The following RASAL2 variants were observed in gnomAD, a reference collection of about 807,000 sequenced individuals.
RASAL2 encodes the protein ras GTPase-activating protein nGAP.
Under a neutral mutation model 128.9 loss-of-function variants are expected in RASAL2, and 58 were observed. That is an observed-to-expected ratio of 0.45 (90% CI 0.36 to 0.56). The LOEUF (loss-of-function observed/expected upper bound fraction) is 0.56, where lower values mean the gene tolerates loss of function less well. RASAL2 is among the 20% of genes least tolerant of loss of function. The probability of loss-of-function intolerance (pLI) is 0.00; values close to 1 mark genes in which losing one functional copy is unlikely to be tolerated. For missense variants in RASAL2, 1,360 were observed against 1,601.6 expected (o/e 0.85, Z 2.57); for synonymous variants, 561 against 580.8 (o/e 0.97, Z 0.49).
rs375035784 is a variant in RASAL2, at chr1:178,454,162, G to A, written c.2010-285G>A. 3.9e-4 allele frequency among the ~76,000 whole-genome samples: 57 copies of A among 146,566 alleles called. No individual in the cohort carries two copies. The East Asian group carries it at 0.011, about 27-fold the overall frequency. Reference sequence around the variant, plus strand: ...TGGTGAGCTTTTGGTAGGTAAGTGAGGGCTATATTGCAGAGAAATTTAAAT... The same window carrying A: ...TGGTGAGCTTTTGGTAGGTAAGTGAAGGCTATATTGCAGAGAAATTTAAAT... On this transcript the variant is annotated intron_variant, in intron 11 of 17. Transcript: ENST00000367649.
intron 1 of RASAL2, among the ~76,000 whole-genome samples, chr1:178,096,633 A>C (rs1047235034): frequency 6.6e-6 from 1 of 152,068 alleles, no homozygotes; most frequent in African/African-American, 2.4e-5. Flanking sequence ...ACTTCATATC[A>C]GACATCACAG....
intron 3 of RASAL2, among the ~76,000 whole-genome samples, chr1:178,376,840 T>A (rs923501493): frequency 1.3e-5 from 2 of 152,124 alleles, no homozygotes; most frequent in African/African-American, 4.8e-5. Context: ...TACCCAAAAA[T>A]TTGAGACTCG....
intron 1 of RASAL2, among the ~76,000 whole-genome samples, chr1:178,221,050 A>G (rs1253614261): frequency 6.6e-6 from 1 of 152,194 alleles, no homozygotes; most frequent in Non-Finnish European, 1.5e-5. Flanking sequence ...GCAGTGCATG[A>G]GAGTTCCTGT....
At chr1:178,245,407 C>T (rs1664726016) in intron 1 of RASAL2, among the ~76,000 whole-genome samples, 1 of 152,182 alleles carries the variant, frequency 6.6e-6, no homozygotes, top group Non-Finnish European at 1.5e-5. Context: ...ATCCTTCACC[C>T]ACTTTTTGAT....
intron 3 of RASAL2, among the ~76,000 whole-genome samples, chr1:178,325,455 G>A (rs1571861456): frequency 6.6e-6 from 1 of 152,108 alleles, no homozygotes; most frequent in South Asian, 2.1e-4. Flanking sequence ...TTTAAAGGTA[G>A]GAATTGTAGA....
At chr1:178,471,757 T>A (rs1244020702) in intron 17 of RASAL2, among the ~76,000 whole-genome samples, 1 of 152,144 alleles carries the variant, frequency 6.6e-6, no homozygotes, top group Non-Finnish European at 1.5e-5. Context: ...TACCTAGATT[T>A]TTCCCCCAGG....
intron 1 of RASAL2, among the ~76,000 whole-genome samples, chr1:178,270,205 T>A (rs1666182446): frequency 6.6e-6 from 1 of 152,192 alleles, no homozygotes; most frequent in Non-Finnish European, 1.5e-5. Flanking sequence ...TTGGTGGTCA[T>A]CTGTTTTTAT....
chr1:178,244,329 G>A (rs1290714539), intron 1 of RASAL2, among the ~76,000 whole-genome samples: 1 of 151,996 alleles, frequency 6.6e-6, no homozygotes, highest in Non-Finnish European at 1.5e-5. Flanking sequence ...TGCAACCTCT[G>A]CCTCTCGGGT....
At chr1:178,191,203 G>A (rs1190383963) in intron 1 of RASAL2, among the ~76,000 whole-genome samples, 2 of 152,120 alleles carry the variant, frequency 1.3e-5, no homozygotes, top group East Asian at 3.9e-4. Flanking sequence ...CTCAAAAGGA[G>A]CTTAAAAGTG....
intron 2 of RASAL2, among the ~76,000 whole-genome samples, chr1:178,296,161 A>ATATG (rs1553207377): frequency 1.0e-4 from 14 of 139,236 alleles, no homozygotes; most frequent in African/African-American, 4.6e-4. Flanking sequence ...GTGTATATAT[A>ATATG]TGTGTGTGTG....
In RASAL2 at chr1:178,442,874, C is replaced by G; in HGVS notation, c.1127C>G (p.Thr376Arg). ...AGCCTTCCACCTCTTCATAGTATCACAGTTCACATTTACAAGGATGTGGAA... is the reference window on the plus strand; with the variant it reads ...AGCCTTCCACCTCTTCATAGTATCAGAGTTCACATTTACAAGGATGTGGAA... The part of the protein sequence containing the change: ...FFSLPPLHSI[T>R]VHIYKDVEKK... The change falls in exon 8 of 18, where the codon ACA becomes AGA. Residue 376 changes from threonine to arginine, a missense_variant. Thr to Arg is a moderately conservative substitution (Grantham distance 71). This residue lies in a region of RASAL2 where 617 missense variants were observed against 714.2 expected (regional missense o/e 0.86). Transcript: ENST00000367649. 2 of 1,613,840 alleles carry G rather than the reference C, an allele frequency of 1.2e-6. No homozygotes were observed. Among genetic ancestry groups the G allele is most frequent in the Non-Finnish European group, 1.7e-6 (2 of 1,179,916 alleles).
In RASAL2 at chr1:178,441,651, A is replaced by G. The variant is rs1351465300; in HGVS notation, c.927+4A>G. Reference sequence around the variant, plus strand: ...CAGGACAGTTCAACCTAATAAGGTAATAGTAGCTTCAAGTATCTAAAAAAT... The same window carrying G: ...CAGGACAGTTCAACCTAATAAGGTAGTAGTAGCTTCAAGTATCTAAAAAAT... On this transcript the variant is annotated splice_donor_region_variant and intron_variant, in intron 7 of 17. Coordinates refer to ENST00000367649, the MANE Select transcript of RASAL2 (RefSeq NM_170692.4). 3.1e-6 allele frequency: 5 copies of G among 1,602,272 alleles called. No homozygotes were observed. Among genetic ancestry groups the G allele is most frequent in the Admixed American group, 3.3e-5 (2 of 59,800 alleles).
At chr1:178,121,564 C>T (rs926870575) in intron 1 of RASAL2, among the ~76,000 whole-genome samples, 1 of 151,972 alleles carries the variant, frequency 6.6e-6, no homozygotes, top group Non-Finnish European at 1.5e-5. Context: ...TGGCTCACTG[C>T]AACCTCCATC....
At chr1:178,152,376 C>T (rs1020248057) in intron 1 of RASAL2, among the ~76,000 whole-genome samples, 3 of 152,096 alleles carry the variant, frequency 2.0e-5, no homozygotes, top group East Asian at 1.9e-4. Context: ...TATAATAAAT[C>T]GTAAATATAA....
intron 1 of RASAL2, among the ~76,000 whole-genome samples, chr1:178,149,188 T>C (rs1264525090): frequency 6.6e-6 from 1 of 152,188 alleles, no homozygotes; most frequent in East Asian, 1.9e-4. Flanking sequence ...AATTAAGCCT[T>C]TTAGAGATTC....
At chr1:178,334,545 G>C (rs745682391) in intron 3 of RASAL2, among the ~76,000 whole-genome samples, 2 of 151,948 alleles carry the variant, frequency 1.3e-5, no homozygotes, top group Non-Finnish European at 2.9e-5. Context: ...GGTTCACCAT[G>C]TTGGCCAGGC....
At chr1:178,290,121 G>A (rs1319771289) in intron 2 of RASAL2, among the ~76,000 whole-genome samples, 1 of 152,054 alleles carries the variant, frequency 6.6e-6, no homozygotes, top group East Asian at 1.9e-4. Context: ...TATGTTTACT[G>A]TCTCTCATCT....
At chr1:178,193,763 T>C (rs962100768) in intron 1 of RASAL2, among the ~76,000 whole-genome samples, 40 of 122,134 alleles carry the variant, frequency 3.3e-4, no homozygotes, top group African/African-American at 1.1e-3. Flanking sequence ...TTACCACGAG[T>C]ACTTGACACA....
intron 4 of RASAL2, among the ~76,000 whole-genome samples, chr1:178,399,202 T>C (rs1403682786): frequency 6.6e-6 from 1 of 152,164 alleles, no homozygotes; most frequent in African/African-American, 2.4e-5. Flanking sequence ...GCCACAGCTG[T>C]CACTCTCTGA....
Sources: allele counts gnomAD v4.1 joint callset (sites outside exome capture counted in the v4.1 genomes callset), GRCh38; gene constraint gnomAD v4.1.1; regional missense constraint gnomAD v4.1.1; transcripts MANE v1.5; gene names NCBI Gene and HGNC (gene_info 2026-07-23, HGNC 2026-07-21).